The following GRIK5 variants were observed in gnomAD, a reference collection of about 807,000 sequenced individuals.
The protein encoded by GRIK5 is glutamate receptor ionotropic, kainate 5.
GRIK5 carries 43 observed loss-of-function variants against 97.4 expected under a neutral mutation model. The observed-to-expected ratio is 0.44, with a 90% CI of 0.35 to 0.57. The LOEUF (loss-of-function observed/expected upper bound fraction) is 0.57, where lower values mean the gene tolerates loss of function less well. GRIK5 is among the 20% of genes least tolerant of loss of function. The probability of loss-of-function intolerance (pLI) is 0.01; values close to 1 mark genes in which losing one functional copy is unlikely to be tolerated. For missense variants in GRIK5, 1,015 were observed against 1,382.0 expected (o/e 0.73, Z 4.21); for synonymous variants, 580 against 583.5 (o/e 0.99, Z 0.09).
At chr19:42,060,534 A>G (rs1284803425) in intron 5 of GRIK5, among the ~76,000 whole-genome samples, 1 of 151,644 alleles carries the variant, frequency 6.6e-6, no homozygotes, top group Non-Finnish European at 1.5e-5. Context: ...TAATAGCCTA[A>G]TATCAAGAGC....
At position 41,999,717 on chromosome 19, in the gene GRIK5, G is replaced by A. The variant is rs1555870523; in HGVS notation, c.2515-418C>T. Among the ~76,000 whole-genome samples, 1 of 152,228 alleles carries A rather than the reference G, an allele frequency of 6.6e-6. No individual in the cohort carries two copies. Among genetic ancestry groups the A allele is most frequent in the African/African-American group, 2.4e-5 (1 of 41,466 alleles). On this transcript the variant is annotated intron_variant, in intron 19 of 19. Transcript: ENST00000593562. The surrounding 1 kb of genome is among the most constrained non-coding windows in gnomAD (Gnocchi z 5.0). ...GCACTGTTCTGAGCACTGGGGATAT[G>A]GCAGAGAAGGAAACAGACAGAAGTC... is the stretch of plus-strand genomic sequence containing the variant.
chr19:42,022,850 GC>G lies in GRIK5; in HGVS notation c.1474-497del, dbSNP rs1009383571. ...CACAGCCAGTGGAGACATAACCCAG[GC>G]CCCGGCCCAGTGTATAGTCAGGGAG... On this transcript the variant is annotated intron_variant, in intron 12 of 19. Coordinates refer to ENST00000593562, the MANE Select transcript of GRIK5 (RefSeq NM_002088.5). This position sits in a 1 kb window ranked among gnomAD's most constrained non-coding sequence, Gnocchi z 4.2. 6.6e-6 allele frequency among the ~76,000 whole-genome samples: 1 copy of G among 151,968 alleles called. No individual in the cohort carries two copies. Among genetic ancestry groups the G allele is most frequent in the Non-Finnish European group, 1.5e-5 (1 of 67,992 alleles).
intron 1 of GRIK5, chr19:42,068,642 C>T (rs1475031102): frequency 9.4e-6 from 4 of 427,600 alleles, no homozygotes; most frequent in Admixed American, 4.3e-5. Context: ...AGAGACCTGC[C>T]GAGGGAGACT....
chr19:42,046,480 T>C (rs182615644), intron 11 of GRIK5, among the ~76,000 whole-genome samples: 2 of 152,260 alleles, frequency 1.3e-5, no homozygotes, highest in African/African-American at 4.8e-5. Context: ...GTTCTAAGAA[T>C]TTACCCTACA....
chr19:42,061,530 T>C (rs1366958523), intron 5 of GRIK5, among the ~76,000 whole-genome samples: 1 of 152,034 alleles, frequency 6.6e-6, no homozygotes, highest in African/African-American at 2.4e-5. Flanking sequence ...TGGAGCACAG[T>C]TCCTCCTTGC....
chr19:42,057,630 T>G (rs2146158162), intron 6 of GRIK5, among the ~76,000 whole-genome samples: 1 of 152,266 alleles, frequency 6.6e-6, no homozygotes, highest in African/African-American at 2.4e-5. Context: ...CCTCCCATGG[T>G]GCTGGGATTA....
At chr19:42,010,932 C>A (rs1040887432) in intron 15 of GRIK5, among the ~76,000 whole-genome samples, 2 of 152,046 alleles carry the variant, frequency 1.3e-5, no homozygotes, top group African/African-American at 4.8e-5. Context: ...CAGCCTCCCA[C>A]GGAGCTGGGA....
At position 42,005,852 on chromosome 19, in the gene GRIK5, C is replaced by G. The variant is rs543302397; in HGVS notation, c.2134G>C (p.Val712Leu). The change falls in exon 17 of 20, where the codon GTC becomes CTC. Residue 712 changes from valine to leucine, a missense_variant. By Grantham distance (32) the Val-to-Leu change is conservative. Transcript: ENST00000593562. ...AGGAAGGCGTAGCGGGAGTTGAGGA[C>G]GCGGGCAATGCCCTCTTCTGTGCTC... is the stretch of plus-strand genomic sequence containing the variant. ...VKSTEEGIAR[V>L]LNSRYAFLLE... 2 of 1,612,282 alleles carry G rather than the reference C, an allele frequency of 1.2e-6. No individual in the cohort carries two copies. The highest frequency in any genetic ancestry group is 1.7e-6 in the Non-Finnish European group (2 of 1,178,414).
intron 11 of GRIK5, among the ~76,000 whole-genome samples, chr19:42,053,340 G>A (rs2076140290): frequency 6.6e-6 from 1 of 152,226 alleles, no homozygotes; most frequent in African/African-American, 2.4e-5. Context: ...TGGCAATCAT[G>A]ATTCATCAGG....
At chr19:42,013,661 C>T (rs1347284290) in intron 15 of GRIK5, among the ~76,000 whole-genome samples, 2 of 152,110 alleles carry the variant, frequency 1.3e-5, no homozygotes, top group African/African-American at 2.4e-5. Context: ...CCGCCCACCT[C>T]GGCCTCCCAA....
chr19:42,047,881 G>A (rs192510540), intron 11 of GRIK5, among the ~76,000 whole-genome samples: 1 of 146,056 alleles, frequency 6.8e-6, no homozygotes, highest in East Asian at 2.0e-4. Flanking sequence ...TGAGACAGGA[G>A]AATCACTTGA....
intron 1 of GRIK5, chr19:42,068,862 CG>C: frequency 1.5e-6 from 1 of 682,478 alleles, no homozygotes; most frequent in Admixed American, 2.1e-5. Flanking sequence ...CAAGGCCCAC[CG>C]CAGGCAGAGG....
chr19:42,002,363 T>C lies in GRIK5; in HGVS notation c.2514+969A>G, dbSNP rs1844107518. Reference sequence around the variant, plus strand: ...CATATTTGTACGTTGGTGGCCTGAATCCAATAAAGAGAGGACAACTGATGC... The same window carrying C: ...CATATTTGTACGTTGGTGGCCTGAACCCAATAAAGAGAGGACAACTGATGC... On this transcript the variant is annotated intron_variant, in intron 19 of 19. Coordinates refer to ENST00000593562, the MANE Select transcript of GRIK5 (RefSeq NM_002088.5). The surrounding 1 kb of genome is among the most constrained non-coding windows in gnomAD (Gnocchi z 5.2). 5.6e-6 allele frequency: 4 copies of C among 717,386 alleles called. No individual in the cohort carries two copies. The highest frequency in any genetic ancestry group is 2.7e-5 in the East Asian group (1 of 37,282). The allele number at this position is 717,386 out of a possible 1,614,324, so 44.4% of individuals were successfully genotyped here.
chr19:42,042,701 G>A lies in GRIK5; in HGVS notation c.1324C>T (p.Arg442Cys), dbSNP rs1370411751. Residue 442 changes from arginine (R) to cysteine (C), a missense_variant, in exon 12 of 20, where the codon CGC becomes TGC. Physicochemically the swap from Arg to Cys is radical, Grantham distance 180. Transcript: ENST00000593562. This position sits in a 1 kb window ranked among gnomAD's most constrained non-coding sequence, Gnocchi z 6.9. Reference sequence around the variant, plus strand: ...ATGTCCACGCAGAAGCCCTCGAAGCGTTCGTTCCCCGACAGGGCCTGGAAG... The same window carrying A: ...ATGTCCACGCAGAAGCCCTCGAAGCATTCGTTCCCCGACAGGGCCTGGAAG... The part of the protein sequence containing the change: ...PNFQALSGNE[R>C]FEGFCVDMLR... 2 of 1,613,732 alleles carry A rather than the reference G, an allele frequency of 1.2e-6. No homozygotes were observed. The highest frequency in any genetic ancestry group is 1.1e-5 in the South Asian group (1 of 91,080).
chr19:42,050,973 C>A (rs1016017131), intron 11 of GRIK5, among the ~76,000 whole-genome samples: 3 of 152,134 alleles, frequency 2.0e-5, no homozygotes, highest in African/African-American at 7.2e-5. Flanking sequence ...CAAGGCGAGA[C>A]GCAGACCCGT....
chr19:42,035,804 T>A (rs555102549), intron 12 of GRIK5, among the ~76,000 whole-genome samples: 1 of 152,364 alleles, frequency 6.6e-6, no homozygotes, highest in South Asian at 2.1e-4. Context: ...GAACATCATG[T>A]ATATCCAGTG....
In GRIK5 at chr19:41,999,293, C is replaced by T. The variant is rs963139581; in HGVS notation, c.2521G>A (p.Val841Met). Residue 841 changes from valine to methionine, a missense_variant, in exon 20 of 20, where the codon GTG becomes ATG. Physicochemically the swap from Val to Met is conservative, Grantham distance 21. This residue lies in a region of GRIK5 where 229 missense variants were observed against 341.0 expected (regional missense o/e 0.67). Coordinates refer to ENST00000593562, the MANE Select transcript of GRIK5 (RefSeq NM_002088.5). This position sits in a 1 kb window ranked among gnomAD's most constrained non-coding sequence, Gnocchi z 5.0. Reference sequence around the variant, plus strand: ...AGCTCCTGCAGCATCTCCTGGCACACCGACACCTGGGGGTGGCGCGGGCGG... The same window carrying T: ...AGCTCCTGCAGCATCTCCTGGCACATCGACACCTGGGGGTGGCGCGGGCGG... ...RRSAESEEVS[V>M]CQEMLQELRH... is the part of the protein sequence containing the mutation. 8.6e-5 allele frequency: 130 copies of T among 1,517,968 alleles called. No individual in the cohort carries two copies. The highest frequency in any genetic ancestry group is 1.0e-4 in the Non-Finnish European group (117 of 1,139,886). The allele number at this position is 1,517,968 out of a possible 1,614,324, so 94.0% of individuals were successfully genotyped here. A position where few individuals can be genotyped will look rare whatever the true frequency, so the allele number is the denominator to read the frequency against.
chr19:42,014,674 T>C (rs141462211), intron 15 of GRIK5, among the ~76,000 whole-genome samples: 3,064 of 152,078 alleles, frequency 0.02, 98 homozygotes, highest in African/African-American at 0.069. Flanking sequence ...TCCCAGCTGC[T>C]TGGGAGGCTG....
At chr19:42,063,410 C>A (rs777396640) in intron 3 of GRIK5, 1 of 454,996 alleles carries the variant, frequency 2.2e-6, no homozygotes. Flanking sequence ...CATGGCAGAA[C>A]CCTAACTTCT....
Sources: gnomAD v4.1 joint callset for allele counts (sites outside exome capture counted in the v4.1 genomes callset) on GRCh38, gnomAD v4.1.1 for gene constraint, gnomAD v4.1.1 regional missense constraint, Gnocchi (gnomAD v3.1) non-coding constraint, MANE v1.5 for transcripts, NCBI Gene and HGNC (gene_info 2026-07-23, HGNC 2026-07-21) for gene names.